APC2: variants seen among roughly 807,000 people sequenced by gnomAD.
The protein encoded by APC2 is adenomatous polyposis coli protein 2.
In APC2, 41 loss-of-function variants were observed where a neutral mutation model predicts 72.5. The observed-to-expected ratio is 0.57, with a 90% CI of 0.44 to 0.73. APC2 has a LOEUF of 0.73. Among genes scored for constraint, APC2 ranks in the 30% least tolerant of loss-of-function variants. The pLI is 0.00. For missense variants in APC2, 3,729 were observed against 3,403.4 expected (o/e 1.10, Z -2.38); for synonymous variants, 1,898 against 1,612.0 (o/e 1.18, Z -4.25).
intron 4 of APC2, among the ~76,000 whole-genome samples, chr19:1,454,712 C>T (rs1474322672): frequency 1.3e-5 from 2 of 151,948 alleles, no homozygotes; most frequent in Admixed American, 6.5e-5. Context: ...TACAGGCACC[C>T]GCCACCACGC....
chr19:1,453,881 G>A (rs1360333750), intron 4 of APC2, among the ~76,000 whole-genome samples: 1 of 152,202 alleles, frequency 6.6e-6, no homozygotes, highest in African/African-American at 2.4e-5. Context: ...GCTCCTTGGA[G>A]ACGTCCCCAG....
rs775996995 is a variant in APC2 at position 1,468,607 on chromosome 19, C to T, written c.5306C>T (p.Ala1769Val). ...VKTSGSPRSP[A>V]GPEKPRGTQK... ...ACCAGCGGGAGCCCCCGTTCCCCTG[C>T]AGGCCCCGAGAAGCCACGTGGCACA... Residue 1769 changes from alanine (A) to valine (V), a missense_variant, in exon 15 of 15, where the codon GCA (alanine) becomes GTA (valine). Ala to Val is a moderately conservative substitution (Grantham distance 64, BLOSUM62 0). Transcript: ENST00000590469. 4 of 1,601,512 alleles carry T rather than the reference C, an allele frequency of 2.5e-6. No individual in the cohort carries two copies. In the South Asian group the frequency reaches 4.4e-5, roughly 18 times the overall value.
In APC2 at chr19:1,461,115, G is replaced by A. The variant is rs146990856; in HGVS notation, c.1600G>A (p.Val534Met). ...GAAGGTGCTGAGGGAGGCGGGCAGC[G>A]TGACTGCCCTGGTGCAGTGTGTCCT... ...SKKVLREAGS[V>M]TALVQCVLRA... The change falls in exon 13 of 15, where the codon GTG becomes ATG. Residue 534 changes from valine (V) to methionine (M), a missense_variant. Val to Met is a conservative substitution (Grantham distance 21). Transcript: ENST00000590469. 2.8e-5 allele frequency: 45 copies of A among 1,612,726 alleles called. No homozygotes were observed. Among genetic ancestry groups the A allele is most frequent in the African/African-American group, 2.5e-4 (19 of 75,054 alleles).
Position 1,466,846 on chromosome 19 carries a change from G to C in APC2, c.3545G>C (p.Ser1182Thr), listed in dbSNP as rs2084025417. 6.4e-7 allele frequency: 1 copy of C among 1,559,992 alleles called. No individual in the cohort carries two copies. Among genetic ancestry groups the C allele is most frequent in the Admixed American group, 1.9e-5 (1 of 52,894 alleles). Reference sequence around the variant, plus strand: ...CCGTCCATCGCCAGCTCCATCCCCAGTGAACCTTGCAGCGGGCAGGGCAGC... The same window carrying C: ...CCGTCCATCGCCAGCTCCATCCCCACTGAACCTTGCAGCGGGCAGGGCAGC... ...ESPSIASSIP[S>T]EPCSGQGSGT... The change falls in exon 15 of 15, where the codon AGT becomes ACT. Residue 1182 changes from serine to threonine, a missense_variant. Physicochemically the swap from Ser to Thr is moderately conservative, Grantham distance 58. Coordinates refer to ENST00000590469, the MANE Select transcript of APC2 (RefSeq NM_005883.3).
intron 6 of APC2, 84 bp downstream of exon 6, chr19:1,455,584 T>G (rs1392944607): frequency 2.2e-6 from 3 of 1,336,058 alleles, no homozygotes. Flanking sequence ...ATGGGCGGGG[T>G]CTGGGGTAAT....
In APC2 at chr19:1,453,076, G is replaced by A; in HGVS notation, c.75G>A (p.Leu25=). Residue 25 remains leucine, a synonymous_variant, in exon 2 of 15, where the codon CTG becomes CTA. Coordinates refer to ENST00000590469, the MANE Select transcript of APC2 (RefSeq NM_005883.3). ...CCTTGAAGGCTGAGAACAGCCACCTGAGGCAGGAGCTAAGGGACAACTCCA... is the reference window on the plus strand; with the variant it reads ...CCTTGAAGGCTGAGAACAGCCACCTAAGGCAGGAGCTAAGGGACAACTCCA... ...VEALKAENSH[L]RQELRDNSSH... is the part of the protein sequence containing the mutation. The A allele has an allele frequency of 6.2e-7, 1 of 1,610,480 alleles. No individual in the cohort carries two copies. Among genetic ancestry groups the A allele is most frequent in the Admixed American group, 1.7e-5 (1 of 59,768 alleles).
chr19:1,469,472 C>A lies in APC2; in HGVS notation c.6171C>A (p.Ala2057=). ...CACCCCGGCAGGGCCCGGCCCCGGC[C>A]CGGCAGCGGCCCCCCGCGGCCCGAC... The part of the protein sequence containing the change: ...RAAPRQGPAP[A]RQRPPAARPS... Residue 2057 remains alanine, a synonymous_variant, in exon 15 of 15, where the codon GCC becomes GCA. Transcript: ENST00000590469. 9.0e-7 allele frequency: 1 copy of A among 1,117,106 alleles called. No individual in the cohort carries two copies. Among genetic ancestry groups the A allele is most frequent in the East Asian group, 6.0e-5 (1 of 16,782 alleles). The allele number at this position is 1,117,106 out of a possible 1,614,324, so 69.2% of individuals were successfully genotyped here. A position where few individuals can be genotyped will look rare whatever the true frequency, so the allele number is the denominator to read the frequency against.
At position 1,456,961 on chromosome 19, in the gene APC2, C is replaced by A. The variant is rs1227927043; in HGVS notation, c.925C>A (p.Arg309Ser). 1 of 1,543,102 alleles carries A rather than the reference C, an allele frequency of 6.5e-7. No homozygotes were observed. Among genetic ancestry groups the A allele is most frequent in the Non-Finnish European group, 8.7e-7 (1 of 1,151,328 alleles). Residue 309 changes from arginine (R) to serine (S), a missense_variant, in exon 9 of 15, where the codon CGC (arginine) becomes AGC (serine). Transcript: ENST00000590469. ...CTCGCCCGAGAGCTGCGTGGCCATG[C>A]GCCGCTCGGGCTGTCTGCCTCTGCT... ...SSSPESCVAM[R>S]RSGCLPLLLQ...
At chr19:1,457,410 A>G in intron 9 of APC2, 167 bp downstream of exon 9, 1 of 994,330 alleles carries the variant, frequency 1.0e-6, no homozygotes, top group South Asian at 1.8e-5. Flanking sequence ...CGTTGGGAAA[A>G]GACCCGCCCA....
Position 1,455,153 on chromosome 19 carries a change from T to C in APC2, c.418T>C (p.Phe140Leu). The C allele has an allele frequency of 6.4e-7, 1 of 1,572,462 alleles. No individual in the cohort carries two copies. The highest frequency in any genetic ancestry group is 1.4e-5 in the African/African-American group (1 of 71,126). The change falls in exon 5 of 15, where the codon TTC (phenylalanine) becomes CTC (leucine). Residue 140 changes from phenylalanine (F) to leucine (L), a missense_variant. Transcript: ENST00000590469. ...CCCCGCTGACTTGCTCCCCAGGTGTTTCCTGCTGAATGAGATTGAGAAGGA... is the reference window on the plus strand; with the variant it reads ...CCCCGCTGACTTGCTCCCCAGGTGTCTCCTGCTGAATGAGATTGAGAAGGA... ...LLEELDRERCFLLNEIEKEEK... is the reference protein window; with the variant it reads ...LLEELDRERCLLLNEIEKEEK...
Position 1,470,266 on chromosome 19 carries a change from G to A in APC2, c.*53G>A, listed in dbSNP as rs2084112761. The A allele has an allele frequency of 1.3e-6, 2 of 1,509,520 alleles. No individual in the cohort carries two copies. The highest frequency in any genetic ancestry group is 1.4e-5 in the African/African-American group (1 of 71,678). 93.5% of individuals were successfully genotyped at this position (1,509,520 alleles called of 1,614,324 possible). A position where few individuals can be genotyped will look rare whatever the true frequency, so the allele number is the denominator to read the frequency against. On this transcript the variant is annotated 3_prime_UTR_variant, in exon 15 of 15. Transcript: ENST00000590469. ...CTCTCCCGGCCCTGCGGCGCGGTCTGGCTGCCCCATGGGCCTGCGCTGTAG... is the reference window on the plus strand; with the variant it reads ...CTCTCCCGGCCCTGCGGCGCGGTCTAGCTGCCCCATGGGCCTGCGCTGTAG...
At position 1,456,845 on chromosome 19, in the gene APC2, C is replaced by T. The variant is rs963065238; in HGVS notation, c.817-8C>T. 1.0e-5 allele frequency: 16 copies of T among 1,591,682 alleles called. No homozygotes were observed. Among genetic ancestry groups the T allele is most frequent in the East Asian group, 2.3e-5 (1 of 43,740 alleles). On this transcript the variant is annotated splice_region_variant and splice_polypyrimidine_tract_variant and intron_variant, in intron 8 of 14. Coordinates refer to ENST00000590469, the MANE Select transcript of APC2 (RefSeq NM_005883.3). ...AGGGACCCCACCCTGACCCTGCCCT[C>T]CCCCCAGGTGGAGGTGGTCTTCTGG...
chr19:1,456,807 C>CG (rs765265803), intron 8 of APC2, 46 bp from the exon 9 acceptor site: 27 of 1,560,790 alleles, frequency 1.7e-5, no homozygotes, highest in African/African-American at 4.1e-5. Flanking sequence ...TCCAGGTGTG[C>CG]GGGGGGCAGG....
In APC2 at chr19:1,467,353, T is replaced by A. The variant is rs1476744680; in HGVS notation, c.4052T>A (p.Val1351Glu). The A allele has an allele frequency of 1.4e-6, 2 of 1,462,546 alleles. No homozygotes were observed. The highest frequency in any genetic ancestry group is 1.8e-6 in the Non-Finnish European group (2 of 1,111,422). 90.6% of individuals were successfully genotyped at this position (1,462,546 alleles called of 1,614,324 possible). Residue 1351 changes from valine to glutamate, a missense_variant, in exon 15 of 15, where the codon GTG becomes GAG. Transcript: ENST00000590469. Reference protein sequence around the residue: ...ELLRECLGAAVPARLRKVASA... With the variant: ...ELLRECLGAAEPARLRKVASA... ...CTGCGGGAGTGCCTGGGAGCCGCCG[T>A]GCCTGCCCGGCTGCGCAAGGTGGCC... is the stretch of plus-strand genomic sequence containing the variant.
intron 14 of APC2, among the ~76,000 whole-genome samples, chr19:1,463,917 G>A (rs964653999): frequency 5.9e-5 from 9 of 152,256 alleles, no homozygotes; most frequent in Non-Finnish European, 1.2e-4. Context: ...GCTCACGCCT[G>A]TAATCCCAGC....
chr19:1,467,766 G>C lies in APC2; in HGVS notation c.4465G>C (p.Gly1489Arg), dbSNP rs767970432. 6.3e-6 allele frequency: 9 copies of C among 1,428,448 alleles called. No homozygotes were observed. Among genetic ancestry groups the C allele is most frequent in the Non-Finnish European group, 8.2e-6 (9 of 1,097,140 alleles). 88.5% of individuals were successfully genotyped at this position (1,428,448 alleles called of 1,614,324 possible). A position where few individuals can be genotyped will look rare whatever the true frequency, so the allele number is the denominator to read the frequency against. Residue 1489 changes from glycine to arginine, a missense_variant, in exon 15 of 15, where the codon GGG (glycine) becomes CGG (arginine). Gly to Arg is a moderately radical substitution (Grantham distance 125). Transcript: ENST00000590469. ...CGGCTCAAAGCCCGGCCGGACCCGCGGGGACGGGGCGCTCCAGTCGCTGTG... is the reference window on the plus strand; with the variant it reads ...CGGCTCAAAGCCCGGCCGGACCCGCCGGGACGGGGCGCTCCAGTCGCTGTG... The part of the protein sequence containing the change: ...KDGSKPGRTR[G>R]DGALQSLCLT...
chr19:1,468,983 C>G lies in APC2; in HGVS notation c.5682C>G (p.Thr1894=). 6.4e-7 allele frequency: 1 copy of G among 1,561,538 alleles called. No homozygotes were observed. The highest frequency in any genetic ancestry group is 8.6e-7 in the Non-Finnish European group (1 of 1,159,104). Reference sequence around the variant, plus strand: ...TGCCCAGAAAGCGCCCCCCGGTCACCCAGGCTGCTGGGGCCCTGCCCGGCC... The same window carrying G: ...TGCCCAGAAAGCGCCCCCCGGTCACGCAGGCTGCTGGGGCCCTGCCCGGCC... ...QPLPRKRPPV[T]QAAGALPGPG... is the part of the protein sequence containing the mutation. The change falls in exon 15 of 15, where the codon ACC becomes ACG. Residue 1894 remains threonine (T), a synonymous_variant. Coordinates refer to ENST00000590469, the MANE Select transcript of APC2 (RefSeq NM_005883.3).
chr19:1,459,029 T>A (rs1192799478), intron 10 of APC2, among the ~76,000 whole-genome samples: 2 of 151,842 alleles, frequency 1.3e-5, no homozygotes, highest in South Asian at 2.1e-4. Context: ...TTCCTGCTCA[T>A]CCTGTCCCCA....
chr19:1,462,655 CAAAAAAA>C lies in APC2; in HGVS notation c.1853+498_1853+504del, dbSNP rs34103912. Among the ~76,000 whole-genome samples the C allele has an allele frequency of 7.6e-4, 19 of 24,922 alleles. No individual in the cohort carries two copies. In the East Asian group the frequency reaches 0.011, roughly 15 times the overall value. The allele number at this position is 24,922 out of a possible 152,430, so 16.3% of individuals were successfully genotyped here. The stretch of plus-strand genomic sequence containing the variant: ...GGGCAACAAGAGCGAAACTTCATCT[CAAAAAAA>C]AAAAAAAAAAAAAAAAAAATTCAGG... On this transcript the variant is annotated intron_variant, in intron 14 of 14. Coordinates refer to ENST00000590469, the MANE Select transcript of APC2 (RefSeq NM_005883.3).
Sources: allele counts gnomAD v4.1 joint callset (sites outside exome capture counted in the v4.1 genomes callset), GRCh38; gene constraint gnomAD v4.1.1; transcripts MANE v1.5; gene names NCBI Gene and HGNC (gene_info 2026-07-23, HGNC 2026-07-21).